Variants in PALM2AKAP2 observed in about 807,000 individuals in gnomAD.
PALM2AKAP2 encodes PALM2 and AKAP2 fusion, also known as PALM2-AKAP2 fusion protein.
In PALM2AKAP2, 37 loss-of-function variants were observed where a neutral mutation model predicts 71.5. The observed-to-expected ratio is 0.52, with a 90% confidence interval of 0.40 to 0.68. PALM2AKAP2 has a LOEUF of 0.68. PALM2AKAP2 is among the 30% of genes least tolerant of loss of function. The probability of loss-of-function intolerance (pLI) is 0.00; values close to 1 mark genes in which losing one functional copy is unlikely to be tolerated. For synonymous variants in PALM2AKAP2, 468 were observed against 478.8 expected (o/e 0.98, Z 0.29); for missense variants, 1,224 against 1,191.8 (o/e 1.03, Z -0.40).
intron 1 of PALM2AKAP2, among the ~76,000 whole-genome samples, chr9:109,769,738 T>G (rs1193576212): frequency 6.6e-6 from 1 of 152,208 alleles, no homozygotes; most frequent in Non-Finnish European, 1.5e-5. Context: ...ATTATTCTGT[T>G]TCAACATAGT....
At chr9:109,788,663 A>G (rs1273963010) in intron 1 of PALM2AKAP2, among the ~76,000 whole-genome samples, 1 of 152,228 alleles carries the variant, frequency 6.6e-6, no homozygotes, top group Admixed American at 6.5e-5. Context: ...TGTGCATCAC[A>G]TGCCCATTGT....
chr9:109,865,093 T>A (rs1829413264), intron 1 of PALM2AKAP2, among the ~76,000 whole-genome samples: 1 of 102,944 alleles, frequency 9.7e-6, no homozygotes, highest in African/African-American at 3.9e-5. Flanking sequence ...ATCCTACTCA[T>A]TCCTTTTTTT....
intron 3 of PALM2AKAP2, among the ~76,000 whole-genome samples, chr9:109,910,991 A>AGGCATCT (rs1395922451): frequency 6.6e-6 from 1 of 152,180 alleles, no homozygotes; most frequent in Admixed American, 6.5e-5. Flanking sequence ...AGCAGGAAGG[A>AGGCATCT]GGCATCTTGG....
In PALM2AKAP2 at chr9:110,014,799, AAAAAATGTATATATATATATATAT is replaced by A. The variant is rs1237207859; in HGVS notation, c.497-1153_497-1130del. 8.8e-5 allele frequency among the ~76,000 whole-genome samples: 5 copies of A among 56,614 alleles called. 1 individual carries two copies. Among genetic ancestry groups the A allele is most frequent in the African/African-American group, 3.5e-4 (5 of 14,466 alleles). The allele number at this position is 56,614 out of a possible 152,430, so 37.1% of individuals were successfully genotyped here. A position where few individuals can be genotyped will look rare whatever the true frequency, so the allele number is the denominator to read the frequency against. ...TGTCTCAAAAAAAAAAAAAAAAAAAAAAAAATGTATATATATATATATATATATATATATATATATATATATATA... is the reference window on the plus strand; with the variant it reads ...TGTCTCAAAAAAAAAAAAAAAAAAAAATATATATATATATATATATATATA... On this transcript the variant is annotated intron_variant, in intron 6 of 9. Coordinates refer to the PALM2AKAP2 transcript ENST00000302798.
intron 1 of PALM2AKAP2, among the ~76,000 whole-genome samples, chr9:109,743,717 T>C (rs1828754445): frequency 6.6e-6 from 1 of 152,200 alleles, no homozygotes; most frequent in African/African-American, 2.4e-5. Context: ...CTTTCTACCT[T>C]GCATTATGGT....
chr9:109,688,697 T>G (rs1266744328), intron 1 of PALM2AKAP2, among the ~76,000 whole-genome samples: 1 of 152,194 alleles, frequency 6.6e-6, no homozygotes, highest in Non-Finnish European at 1.5e-5. Context: ...GGCAGAGAGA[T>G]TAAGCTTGCA....
chr9:109,998,490 G>T (rs1338106317), intron 6 of PALM2AKAP2, among the ~76,000 whole-genome samples: 1 of 152,106 alleles, frequency 6.6e-6, no homozygotes, highest in African/African-American at 2.4e-5. Context: ...AAACAAAAGC[G>T]AACACTCAAT....
intron 1 of PALM2AKAP2, among the ~76,000 whole-genome samples, chr9:109,722,764 C>G (rs1564125283): frequency 6.6e-6 from 1 of 152,026 alleles, no homozygotes; most frequent in Non-Finnish European, 1.5e-5. Context: ...AGAGTGAGAC[C>G]CTGTCTCATA....
At chr9:109,684,668 A>T (rs1369888617) in intron 1 of PALM2AKAP2, among the ~76,000 whole-genome samples, 3 of 152,242 alleles carry the variant, frequency 2.0e-5, no homozygotes, top group African/African-American at 7.2e-5. Flanking sequence ...TTAAAAAACA[A>T]AATTTAAAAC....
Position 110,156,505 on chromosome 9 carries a change from T to A in PALM2AKAP2, c.2748+8T>A. 6.3e-7 allele frequency: 1 copy of A among 1,586,264 alleles called. No homozygotes were observed. The highest frequency in any genetic ancestry group is 1.2e-5 in the South Asian group (1 of 86,694). ...AGAATGGATGATAGTAGTGTAAGTT[T>A]TTCCTCCTTTCCTCTTTCACTTCTC... On this transcript the variant is annotated splice_region_variant and intron_variant, in intron 3 of 3. Transcript: ENST00000374525.
At chr9:110,017,659 T>G (rs1833004084) in intron 7 of PALM2AKAP2, among the ~76,000 whole-genome samples, 1 of 152,074 alleles carries the variant, frequency 6.6e-6, no homozygotes, top group South Asian at 2.1e-4. Flanking sequence ...TAGCTGCAGA[T>G]GTGGTACAGA....
At chr9:110,157,787 T>C (rs1456450348) in intron 3 of PALM2AKAP2, among the ~76,000 whole-genome samples, 1 of 152,190 alleles carries the variant, frequency 6.6e-6, no homozygotes, top group Non-Finnish European at 1.5e-5. Flanking sequence ...ACAGTAAGAA[T>C]TCCCTGCTGT....
intron 1 of PALM2AKAP2, among the ~76,000 whole-genome samples, chr9:109,816,055 G>A (rs556740773): frequency 6.6e-6 from 1 of 152,304 alleles, no homozygotes; most frequent in African/African-American, 2.4e-5. Context: ...GTCCTGGGGA[G>A]AAAGTATCTT....
At chr9:110,101,885 G>C (rs1198271367) in intron 1 of PALM2AKAP2, among the ~76,000 whole-genome samples, 1 of 152,160 alleles carries the variant, frequency 6.6e-6, no homozygotes, top group Admixed American at 6.5e-5. Context: ...TTGGATCACT[G>C]GTCCCCAAGG....
chr9:109,953,878 G>A (rs537270038), intron 6 of PALM2AKAP2, among the ~76,000 whole-genome samples: 2 of 150,036 alleles, frequency 1.3e-5, no homozygotes, highest in Admixed American at 6.6e-5. Context: ...GTGTGGAGAT[G>A]CCCCTGAGAC....
rs181060385 is a variant in PALM2AKAP2 at position 109,717,476 on chromosome 9, T to C, written c.6-63012T>C. ...GGTGTGTGGGGTAGAGAGTAGGCAA[T>C]GTACCAGACACCACATGAAGGAGTA... On this transcript the variant is annotated intron_variant, in intron 1 of 6. Coordinates refer to the PALM2AKAP2 transcript ENST00000374531. 2.9e-4 allele frequency among the ~76,000 whole-genome samples: 44 copies of C among 152,248 alleles called. No homozygotes were observed. In the East Asian group the frequency reaches 7.5e-3, roughly 26 times the overall value.
intron 1 of PALM2AKAP2, among the ~76,000 whole-genome samples, chr9:109,674,010 C>A (rs1827613394): frequency 6.6e-6 from 1 of 151,914 alleles, no homozygotes; most frequent in South Asian, 2.1e-4. Context: ...TGAGGTGAGT[C>A]TCTTGAAGAC....
At chr9:110,056,063 G>A (rs1320521272) in intron 1 of PALM2AKAP2, among the ~76,000 whole-genome samples, 1 of 152,208 alleles carries the variant, frequency 6.6e-6, no homozygotes, top group East Asian at 1.9e-4. Context: ...CCAGTAGGGG[G>A]CAGGGAGGGA....
At chr9:109,654,750 G>GGTGTGT (rs374397482) in intron 1 of PALM2AKAP2, among the ~76,000 whole-genome samples, 23,883 of 147,162 alleles carry the variant, frequency 0.16, 1,973 homozygotes, top group Non-Finnish European at 0.17. Flanking sequence ...GTATGTGTAT[G>GGTGTGT]GTGTGTGTGT....
Sources: allele counts gnomAD v4.1 joint callset (sites outside exome capture counted in the v4.1 genomes callset), GRCh38; gene constraint gnomAD v4.1.1; transcripts MANE v1.5; gene names NCBI Gene and HGNC (gene_info 2026-07-23, HGNC 2026-07-21).